Variants in PLS1 observed in about 807,000 individuals in gnomAD.
The protein encoded by PLS1 is plastin-1.
Under a neutral mutation model 73.7 loss-of-function variants are expected in PLS1, and 32 were observed. The ratio of observed to expected loss-of-function variants is 0.43; its 90% CI spans 0.33 to 0.58. The LOEUF (loss-of-function observed/expected upper bound fraction) is 0.58. PLS1 is among the 20% of genes least tolerant of loss of function. The pLI, the probability that PLS1 is intolerant of heterozygous loss-of-function variation, is 0.04. For missense variants in PLS1, 633 were observed against 740.5 expected (o/e 0.85, Z 1.68); for synonymous variants, 217 against 261.3 (o/e 0.83, Z 1.63).
intron 5 of PLS1, among the ~76,000 whole-genome samples, chr3:142,677,577 G>A (rs974772121): frequency 1.3e-5 from 2 of 152,050 alleles, no homozygotes; most frequent in Non-Finnish European, 2.9e-5. Flanking sequence ...CCAGGAGGTG[G>A]AGGTTGCAGT....
rs149989751 is a variant in PLS1 at position 142,697,299 on chromosome 3, G to A, written c.1257-654G>A. ...CAGCTGCCTACTGAGTAGCTATTGTGATTTTCCTGTAATTATGTTTTAAGT... is the reference window on the plus strand; with the variant it reads ...CAGCTGCCTACTGAGTAGCTATTGTAATTTTCCTGTAATTATGTTTTAAGT... On this transcript the variant is annotated intron_variant, in intron 11 of 15. Coordinates refer to ENST00000457734, the MANE Select transcript of PLS1 (RefSeq NM_001145319.2). Among the ~76,000 whole-genome samples the A allele has an allele frequency of 1.2e-3, 178 of 152,136 alleles. 3 individuals carry two copies. The South Asian group carries it at 0.026, about 22-fold the overall frequency.
intron 5 of PLS1, 45 bp from the exon 6 acceptor site, chr3:142,677,987 A>C (rs761761170): frequency 1.1e-6 from 1 of 915,946 alleles, no homozygotes; most frequent in African/African-American, 1.7e-5. Flanking sequence ...AAACTAAAAA[A>C]ATTTCTTGGA....
At position 142,712,487 on chromosome 3, in the gene PLS1, A is replaced by G. The variant is rs1470412610; in HGVS notation, c.*480A>G. On this transcript the variant is annotated 3_prime_UTR_variant, in exon 16 of 16. Transcript: ENST00000457734. ...CAAAAACACTTTTCTGTAAGTTTCT[A>G]TACTGTCTAAAACCTTATGGTGACC... is the stretch of plus-strand genomic sequence containing the variant. 3 of 153,846 alleles carry G rather than the reference A, an allele frequency of 1.9e-5. No homozygotes were observed. The highest frequency in any genetic ancestry group is 4.4e-5 in the Non-Finnish European group (3 of 68,894). 9.5% of individuals were successfully genotyped at this position (153,846 alleles called of 1,614,324 possible). A position where few individuals can be genotyped will look rare whatever the true frequency, so the allele number is the denominator to read the frequency against.
intron 1 of PLS1, chr3:142,597,373 A>G (rs749063521): frequency 7.2e-5 from 11 of 152,200 alleles, no homozygotes; most frequent in Non-Finnish European, 1.5e-4. Flanking sequence ...ACCCCCCACC[A>G]CCTTTGTAAT....
Position 142,703,898 on chromosome 3 carries a change from G to C in PLS1, c.1402G>C (p.Gly468Arg). 1.2e-6 allele frequency: 2 copies of C among 1,610,980 alleles called. No homozygotes were observed. The highest frequency in any genetic ancestry group is 1.7e-6 in the Non-Finnish European group (2 of 1,177,152). Residue 468 changes from glycine to arginine, a missense_variant, in exon 13 of 16, where the codon GGG becomes CGG. Gly to Arg is a moderately radical substitution (Grantham distance 125). Transcript: ENST00000457734. ...IENCNYAVEL[G>R]KNKAKFSLVG... ...AAACTGTAACTATGCAGTGGAACTT[G>C]GGAAGAACAAGGCCAAATTCTCCTT... is the stretch of plus-strand genomic sequence containing the variant.
rs1369262174 is a variant in PLS1, at chr3:142,712,885, AT to A, written c.*882del. On this transcript the variant is annotated 3_prime_UTR_variant, in exon 16 of 16. Transcript: ENST00000457734. ...TTAAGATTTCTTTTTATAAGTATTC[AT>A]TTTGAATGTGCATATAGTTATTTGA... 2.0e-5 allele frequency: 3 copies of A among 152,566 alleles called. No homozygotes were observed. The East Asian group carries it at 5.8e-4, about 29-fold the overall frequency. The allele number at this position is 152,566 out of a possible 1,614,324, so 9.5% of individuals were successfully genotyped here.
At chr3:142,686,206 G>A in intron 8 of PLS1, 78 bp from the exon 9 acceptor site, 2 of 848,124 alleles carry the variant, frequency 2.4e-6, no homozygotes, top group South Asian at 2.9e-5. Context: ...AATTTCTTCA[G>A]TTTGAGCACT....
chr3:142,690,961 C>T (rs1249399348), intron 10 of PLS1, among the ~76,000 whole-genome samples: 1 of 151,796 alleles, frequency 6.6e-6, no homozygotes, highest in Non-Finnish European at 1.5e-5. Context: ...TGCTAATTGC[C>T]CTGGTTTGGA....
At chr3:142,620,358 C>G (rs1318815111) in intron 1 of PLS1, among the ~76,000 whole-genome samples, 1 of 152,142 alleles carries the variant, frequency 6.6e-6, no homozygotes. Context: ...AACTCCTGAC[C>G]TCAGGTTATC....
At chr3:142,687,888 T>A (rs533031011) in intron 9 of PLS1, among the ~76,000 whole-genome samples, 1 of 152,256 alleles carries the variant, frequency 6.6e-6, no homozygotes, top group East Asian at 1.9e-4. Context: ...TAAATGCCAT[T>A]TTTTTCATAG....
chr3:142,684,055 T>G lies in PLS1; in HGVS notation c.629T>G (p.Val210Gly), dbSNP rs769902430. Residue 210 changes from valine to glycine, a missense_variant, in exon 7 of 16, where the codon GTG becomes GGG. Physicochemically the swap from Val to Gly is moderately radical, Grantham distance 109. Coordinates refer to ENST00000457734, the MANE Select transcript of PLS1 (RefSeq NM_001145319.2). ...LNSASAIGCT[V>G]VNIGASDLKE... ...TCTGCCTCAGCCATTGGTTGTACAG[T>G]GGTCAACATTGGTGCATCAGATCTC... is the stretch of plus-strand genomic sequence containing the variant. 6.2e-7 allele frequency: 1 copy of G among 1,613,812 alleles called. No individual in the cohort carries two copies. The highest frequency in any genetic ancestry group is 8.5e-7 in the Non-Finnish European group (1 of 1,179,756).
At chr3:142,605,738 G>A (rs2036006398) in intron 1 of PLS1, among the ~76,000 whole-genome samples, 2 of 152,110 alleles carry the variant, frequency 1.3e-5, no homozygotes, top group Admixed American at 1.3e-4. Flanking sequence ...GTATTTTATG[G>A]CTAACCCTCA....
chr3:142,684,979 C>T (rs577000103), intron 8 of PLS1, among the ~76,000 whole-genome samples: 25 of 152,256 alleles, frequency 1.6e-4, no homozygotes, highest in African/African-American at 4.8e-4. Context: ...CAAGCCGGGT[C>T]GCTGTGACTT....
intron 1 of PLS1, among the ~76,000 whole-genome samples, chr3:142,647,721 C>T (rs1244895146): frequency 6.6e-6 from 1 of 152,060 alleles, no homozygotes; most frequent in East Asian, 1.9e-4. Context: ...CCAGACTGGT[C>T]TCGAACTCCT....
intron 1 of PLS1, among the ~76,000 whole-genome samples, chr3:142,620,011 C>A (rs1447158829): frequency 6.6e-6 from 1 of 152,100 alleles, no homozygotes; most frequent in Non-Finnish European, 1.5e-5. Context: ...AGCACCCTAT[C>A]GAGAAACCAG....
chr3:142,639,051 TTTA>T (rs1222193531), intron 1 of PLS1, among the ~76,000 whole-genome samples: 1 of 152,170 alleles, frequency 6.6e-6, no homozygotes, highest in Non-Finnish European at 1.5e-5. Context: ...TATCTTTATG[TTTA>T]TTATAACGTA....
At chr3:142,662,314 C>T (rs992592915) in intron 1 of PLS1, among the ~76,000 whole-genome samples, 4 of 152,072 alleles carry the variant, frequency 2.6e-5, no homozygotes, top group African/African-American at 4.8e-5. Context: ...AACACAAGAA[C>T]GGAAAACCAT....
intron 12 of PLS1, among the ~76,000 whole-genome samples, 158 bp from the exon 13 acceptor site, chr3:142,703,710 A>T (rs911167171): frequency 6.6e-6 from 1 of 152,184 alleles, no homozygotes; most frequent in African/African-American, 2.4e-5. Context: ...AAATGGAAAT[A>T]ATTATGTCCT....
chr3:142,662,600 A>G (rs1212042571), intron 1 of PLS1, among the ~76,000 whole-genome samples: 1 of 152,228 alleles, frequency 6.6e-6, no homozygotes, highest in Non-Finnish European at 1.5e-5. Context: ...GCTAGATATC[A>G]GAAGTCTTAA....
Sources: allele counts gnomAD v4.1 joint callset (sites outside exome capture counted in the v4.1 genomes callset), GRCh38; gene constraint gnomAD v4.1.1; transcripts MANE v1.5; gene names NCBI Gene and HGNC (gene_info 2026-07-23, HGNC 2026-07-21).